Variants in SPAG6 observed in about 807,000 individuals in gnomAD.
The protein encoded by SPAG6 is sperm associated antigen 6.
SPAG6 carries 49 observed loss-of-function variants against 58.5 expected under a neutral mutation model. The observed-to-expected ratio is 0.84, with a 90% confidence interval of 0.67 to 1.06. The LOEUF is 1.06. Ranked by LOEUF, SPAG6 falls within the 50% of genes least tolerant of loss-of-function variation. The probability of loss-of-function intolerance (pLI) is 0.00; values close to 1 mark genes in which losing one functional copy is unlikely to be tolerated. For synonymous variants in SPAG6, 233 were observed against 225.6 expected (o/e 1.03, Z -0.29); for missense variants, 560 against 611.3 (o/e 0.92, Z 0.89).
intron 8 of SPAG6, among the ~76,000 whole-genome samples, chr10:22,395,330 T>C (rs1834270327): frequency 6.6e-6 from 1 of 152,204 alleles, no homozygotes; most frequent in African/African-American, 2.4e-5. Context: ...CCAACTGTTT[T>C]CCATTGTACT....
At chr10:22,368,083 A>G (rs1837247516) in intron 3 of SPAG6, among the ~76,000 whole-genome samples, 1 of 152,226 alleles carries the variant, frequency 6.6e-6, no homozygotes, top group Non-Finnish European at 1.5e-5. Context: ...AAGTAAAGGA[A>G]ATGAATTAGT....
intron 8 of SPAG6, among the ~76,000 whole-genome samples, chr10:22,398,328 C>G (rs567538128): frequency 6.6e-6 from 1 of 152,224 alleles, no homozygotes; most frequent in African/African-American, 2.4e-5. Flanking sequence ...TGTGTTACCT[C>G]AGGTTAGGCA....
chr10:22,395,430 T>C (rs1834272564), intron 8 of SPAG6, among the ~76,000 whole-genome samples: 1 of 152,202 alleles, frequency 6.6e-6, no homozygotes, highest in Non-Finnish European at 1.5e-5. Flanking sequence ...CCTAGTGGGT[T>C]TGAATTGGTA....
At chr10:22,356,202 T>G (rs2132036029) in intron 2 of SPAG6, among the ~76,000 whole-genome samples, 1 of 152,318 alleles carries the variant, frequency 6.6e-6, no homozygotes, top group Admixed American at 6.5e-5. Context: ...CTAGAGAGGT[T>G]TATTATTTTA....
chr10:22,390,665 C>CT (rs1834164812), intron 7 of SPAG6, among the ~76,000 whole-genome samples: 1 of 152,194 alleles, frequency 6.6e-6, no homozygotes, highest in African/African-American at 2.4e-5. Context: ...GCACTGTCTC[C>CT]TTTTCCTCCT....
intron 8 of SPAG6, among the ~76,000 whole-genome samples, chr10:22,397,438 G>A (rs1429525928): frequency 6.6e-6 from 1 of 152,082 alleles, no homozygotes; most frequent in Non-Finnish European, 1.5e-5. Context: ...TCAGCCTCCT[G>A]AGTAGTTGGG....
rs111984859 is a variant in SPAG6, at chr10:22,382,236, T to C, written c.473-4518T>C. 6.6e-3 allele frequency among the ~76,000 whole-genome samples: 1,003 copies of C among 152,282 alleles called. 13 individuals carry two copies. The highest frequency in any genetic ancestry group is 0.023 in the African/African-American group (954 of 41,546). The stretch of plus-strand genomic sequence containing the variant: ...GTACCACAGAGGAGGCTGCCTCAGT[T>C]TCTTCACTCAAAATGAGCTACTCCT... On this transcript the variant is annotated intron_variant, in intron 4 of 10. Coordinates refer to ENST00000376624, the MANE Select transcript of SPAG6 (RefSeq NM_012443.4).
intron 7 of SPAG6, among the ~76,000 whole-genome samples, chr10:22,391,476 C>A (rs1000096135): frequency 1.3e-5 from 2 of 152,148 alleles, no homozygotes; most frequent in Admixed American, 1.3e-4. Context: ...TTAAATACCT[C>A]TCTATTTGGG....
At chr10:22,379,619 T>G (rs1481900080) in intron 4 of SPAG6, among the ~76,000 whole-genome samples, 1 of 152,172 alleles carries the variant, frequency 6.6e-6, no homozygotes, top group African/African-American at 2.4e-5. Flanking sequence ...GACTTCTTGA[T>G]TGTAGCCTAG....
chr10:22,348,330 A>C (rs146285598), intron 2 of SPAG6, among the ~76,000 whole-genome samples: 75 of 152,304 alleles, frequency 4.9e-4, no homozygotes, highest in Middle Eastern at 3.4e-3. Context: ...TTCTTTTAAA[A>C]AATTACAATT....
chr10:22,353,047 A>G (rs1380313107), intron 2 of SPAG6, among the ~76,000 whole-genome samples: 1 of 152,182 alleles, frequency 6.6e-6, no homozygotes, highest in Non-Finnish European at 1.5e-5. Flanking sequence ...GTGGGACTGT[A>G]CCTTTGTATA....
chr10:22,345,574 C>A lies in SPAG6; in HGVS notation c.-38C>A. 1 of 1,514,510 alleles carries A rather than the reference C, an allele frequency of 6.6e-7. No individual in the cohort carries two copies. Among genetic ancestry groups the A allele is most frequent in the South Asian group, 1.2e-5 (1 of 81,524 alleles). The allele number at this position is 1,514,510 out of a possible 1,614,324, so 93.8% of individuals were successfully genotyped here. The stretch of plus-strand genomic sequence containing the variant: ...GGACTCGCAGGCCGAGCGGCTTCCC[C>A]GCAGAGCTCGAGGAGGGCAGACGGC... On this transcript the variant is annotated 5_prime_UTR_variant, in exon 1 of 11. Coordinates refer to ENST00000376624, the MANE Select transcript of SPAG6 (RefSeq NM_012443.4). This position sits in a 1 kb window ranked among gnomAD's most constrained non-coding sequence, Gnocchi z 6.3.
chr10:22,385,618 G>A (rs1200635674), intron 4 of SPAG6, among the ~76,000 whole-genome samples: 3 of 151,946 alleles, frequency 2.0e-5, no homozygotes, highest in East Asian at 3.9e-4. Flanking sequence ...TACAATATTG[G>A]GACTTCTAAG....
At chr10:22,379,873 T>C (rs1347044071) in intron 4 of SPAG6, among the ~76,000 whole-genome samples, 3 of 152,132 alleles carry the variant, frequency 2.0e-5, no homozygotes, top group Non-Finnish European at 4.4e-5. Flanking sequence ...CACCTCACTG[T>C]AGCCTTGACC....
chr10:22,405,348 A>G (rs1431511278), intron 9 of SPAG6, among the ~76,000 whole-genome samples: 4 of 151,948 alleles, frequency 2.6e-5, no homozygotes, highest in Admixed American at 1.3e-4. Context: ...TAACATGAAG[A>G]GTTGTTGAAT....
rs1397116860 is a variant in SPAG6, at chr10:22,345,622, G to A, written c.11G>A (p.Arg4Lys). 6.5e-7 allele frequency: 1 copy of A among 1,537,502 alleles called. No individual in the cohort carries two copies. Among genetic ancestry groups the A allele is most frequent in the Non-Finnish European group, 8.7e-7 (1 of 1,143,360 alleles). MSQ[R>K]QVLQVFEQYQ... ...GGCGGCGGGGGCGCCATGAGTCAGA[G>A]GCAGGTGCTGCAAGGTAGGGCCGAG... The change falls in exon 1 of 11, where the codon AGG becomes AAG. Residue 4 changes from arginine (R) to lysine (K), a missense_variant. Coordinates refer to ENST00000376624, the MANE Select transcript of SPAG6 (RefSeq NM_012443.4). The surrounding 1 kb of genome is among the most constrained non-coding windows in gnomAD (Gnocchi z 6.3).
chr10:22,393,864 T>C (rs563147328), intron 8 of SPAG6, among the ~76,000 whole-genome samples: 1 of 152,224 alleles, frequency 6.6e-6, no homozygotes, highest in South Asian at 2.1e-4. Flanking sequence ...TATCCAAGAG[T>C]GTCAAGAACT....
At chr10:22,405,328 T>G (rs1834524171) in intron 9 of SPAG6, among the ~76,000 whole-genome samples, 1 of 152,184 alleles carries the variant, frequency 6.6e-6, no homozygotes, top group South Asian at 2.1e-4. Flanking sequence ...CCTAATTTAT[T>G]GAGAGTTTTT....
At chr10:22,348,822 T>G (rs564613211) in intron 2 of SPAG6, among the ~76,000 whole-genome samples, 7 of 152,314 alleles carry the variant, frequency 4.6e-5, no homozygotes, top group African/African-American at 1.7e-4. Context: ...TGGAAAAGAT[T>G]AAGTTTGATT....
Sources: gnomAD v4.1 joint callset for allele counts (sites outside exome capture counted in the v4.1 genomes callset) on GRCh38, gnomAD v4.1.1 for gene constraint, Gnocchi (gnomAD v3.1) non-coding constraint, MANE v1.5 for transcripts, NCBI Gene and HGNC (gene_info 2026-07-23, HGNC 2026-07-21) for gene names.